Variants in FGF12 observed in about 807,000 individuals in gnomAD.
FGF12 encodes fibroblast growth factor 12B.
A neutral mutation model predicts 23.6 loss-of-function variants in FGF12; 14 were observed. The observed-to-expected ratio is 0.59, with a 90% confidence interval of 0.39 to 0.93. FGF12 has a LOEUF of 0.93. Among genes scored for constraint, FGF12 ranks in the 40% least tolerant of loss-of-function variants. The probability of loss-of-function intolerance (pLI) is 0.00; values close to 1 mark genes in which losing one functional copy is unlikely to be tolerated. For missense variants in FGF12, 175 were observed against 217.8 expected, an observed-to-expected ratio of 0.80 and a Z score of 1.24; for synonymous variants, 62 against 77.3, an observed-to-expected ratio of 0.80 and a Z score of 1.04.
intron 2 of FGF12, among the ~76,000 whole-genome samples, chr3:192,650,605 A>G (rs62293055): frequency 0.031 from 4,755 of 152,274 alleles, 79 homozygotes; most frequent in Middle Eastern, 0.065. Context: ...TAGTCTGTCT[A>G]TAAGTTTCTT....
At chr3:192,585,450 G>A (rs1232377902) in intron 2 of FGF12, among the ~76,000 whole-genome samples, 1 of 152,080 alleles carries the variant, frequency 6.6e-6, no homozygotes, top group Non-Finnish European at 1.5e-5. Context: ...TTGTGGTTTG[G>A]CACAACCTGG....
intron 5 of FGF12, among the ~76,000 whole-genome samples, chr3:192,152,211 T>C (rs1714095439): frequency 1.6e-5 from 2 of 125,974 alleles, no homozygotes; most frequent in Non-Finnish European, 3.4e-5. Flanking sequence ...TCTTTTTTTC[T>C]TTATTAGTCT....
intron 2 of FGF12, among the ~76,000 whole-genome samples, chr3:192,546,254 G>C (rs1725491603): frequency 6.6e-6 from 1 of 152,120 alleles, no homozygotes; most frequent in African/African-American, 2.4e-5. Context: ...AGAAGTCTAT[G>C]AGATATTATA....
chr3:192,465,907 T>G (rs1183990994), intron 2 of FGF12, among the ~76,000 whole-genome samples: 4 of 152,182 alleles, frequency 2.6e-5, no homozygotes, highest in Non-Finnish European at 5.9e-5. Context: ...TTTCCCCTAT[T>G]GATCCTGTTA....
chr3:192,207,445 CAGA>C (rs1410228246), intron 4 of FGF12, among the ~76,000 whole-genome samples: 1 of 152,182 alleles, frequency 6.6e-6, no homozygotes, highest in Non-Finnish European at 1.5e-5. Context: ...GAAGCTTTTG[CAGA>C]AGGAGGGATT....
chr3:192,466,522 C>G (rs1162553348), intron 2 of FGF12, among the ~76,000 whole-genome samples: 3 of 152,146 alleles, frequency 2.0e-5, no homozygotes, highest in Non-Finnish European at 4.4e-5. Context: ...CCCTCCTCAG[C>G]AGAAGACGAA....
intron 4 of FGF12, among the ~76,000 whole-genome samples, chr3:192,267,415 T>C (rs1163632333): frequency 6.6e-6 from 1 of 152,210 alleles, no homozygotes; most frequent in East Asian, 1.9e-4. Context: ...TTTAAATACA[T>C]GTTAGTTATT....
intron 2 of FGF12, among the ~76,000 whole-genome samples, chr3:192,589,683 A>G (rs1713542927): frequency 6.6e-6 from 1 of 151,806 alleles, no homozygotes; most frequent in Non-Finnish European, 1.5e-5. Context: ...GGAAGAGTGG[A>G]GTCAAGAAGT....
At chr3:192,699,455 T>C (rs1045960379) in intron 2 of FGF12, among the ~76,000 whole-genome samples, 9 of 152,150 alleles carry the variant, frequency 5.9e-5, no homozygotes, top group African/African-American at 1.9e-4. Context: ...TCGGTCATGG[T>C]GGGGTGCAAT....
chr3:192,580,718 CT>C (rs1713097444), intron 2 of FGF12, among the ~76,000 whole-genome samples: 3 of 152,194 alleles, frequency 2.0e-5, no homozygotes, highest in Admixed American at 6.5e-5. Context: ...AGCGATTCTC[CT>C]GCCTTAGCCT....
At chr3:192,510,015 G>A (rs1404969205) in intron 2 of FGF12, among the ~76,000 whole-genome samples, 11 of 152,070 alleles carry the variant, frequency 7.2e-5, no homozygotes, top group African/African-American at 1.9e-4. Flanking sequence ...TAGGTCATAC[G>A]GCGGGGCTCT....
chr3:192,659,039 C>A (rs1716553565), intron 2 of FGF12, among the ~76,000 whole-genome samples: 1 of 152,092 alleles, frequency 6.6e-6, no homozygotes, highest in African/African-American at 2.4e-5. Context: ...TGGGACAGGA[C>A]AAATCAGGCT....
intron 2 of FGF12, among the ~76,000 whole-genome samples, chr3:192,495,892 G>T (rs1367176640): frequency 6.6e-6 from 1 of 151,822 alleles, no homozygotes; most frequent in African/African-American, 2.4e-5. Flanking sequence ...CGAACTCCTG[G>T]GCTCCAGCAA....
intron 4 of FGF12, among the ~76,000 whole-genome samples, chr3:192,186,061 T>C (rs982211370): frequency 1.1e-4 from 16 of 152,166 alleles, no homozygotes; most frequent in South Asian, 2.1e-4. Flanking sequence ...TCACATTCTA[T>C]GTTAGTTTAC....
intron 4 of FGF12, among the ~76,000 whole-genome samples, chr3:192,243,335 A>G (rs1039717427): frequency 5.3e-5 from 8 of 151,988 alleles, no homozygotes; most frequent in Non-Finnish European, 1.2e-4. Flanking sequence ...GCTGTTATTA[A>G]AAAATAAAGT....
intron 2 of FGF12, among the ~76,000 whole-genome samples, chr3:192,490,570 C>CAT (rs1312216812): frequency 5.9e-5 from 9 of 151,380 alleles, no homozygotes; most frequent in African/African-American, 1.7e-4. Context: ...TACACATATA[C>CAT]ATATATATAT....
intron 2 of FGF12, among the ~76,000 whole-genome samples, chr3:192,434,719 G>C (rs899916102): frequency 5.3e-5 from 8 of 152,210 alleles, no homozygotes; most frequent in African/African-American, 1.7e-4. Context: ...ACCATAAGGA[G>C]CAGTTGTGCT....
rs58243923 is a variant in FGF12 at position 192,567,735 on chromosome 3, CTCTTTCTTTCTTTCTTTCTTTCTTTCTT to C, written c.13+159418_13+159445del. On this transcript the variant is annotated intron_variant, in intron 2 of 5. Transcript: ENST00000445105. ...TTTTTACATGGTCTTCTCCATGTGTCTCTTTCTTTCTTTCTTTCTTTCTTTCTTTCTTTCTTTCTTTCTTTCTTTCTTT... is the reference window on the plus strand; with the variant it reads ...TTTTTACATGGTCTTCTCCATGTGTCTCTTTCTTTCTTTCTTTCTTTCTTT... 2.7e-3 allele frequency among the ~76,000 whole-genome samples: 338 copies of C among 126,048 alleles called. 5 individuals carry two copies. Among genetic ancestry groups the C allele is most frequent in the Admixed American group, 0.017 (205 of 12,276 alleles). 82.7% of individuals were successfully genotyped at this position (126,048 alleles called of 152,430 possible).
chr3:192,269,207 A>C (rs1713273246), intron 4 of FGF12, among the ~76,000 whole-genome samples: 1 of 152,194 alleles, frequency 6.6e-6, no homozygotes, highest in Non-Finnish European at 1.5e-5. Context: ...GGCATGAGCT[A>C]ACATACTTGG....
Sources: allele counts gnomAD v4.1 joint callset (sites outside exome capture counted in the v4.1 genomes callset), GRCh38; gene constraint gnomAD v4.1.1; transcripts MANE v1.5; gene names NCBI Gene and HGNC (gene_info 2026-07-23, HGNC 2026-07-21).